ZNF480: variants seen among roughly 807,000 people sequenced by gnomAD.
ZNF480 encodes the protein zinc finger protein 480.
ZNF480 carries 15 observed loss-of-function variants against 14.4 expected under a neutral mutation model. The observed-to-expected ratio is 1.04, with a 90% confidence interval of 0.70 to 1.60. The LOEUF is 1.60. ZNF480 is among the 40% of genes most tolerant of loss of function. The pLI is 0.00. For synonymous variants in ZNF480, 218 were observed against 215.5 expected, an observed-to-expected ratio of 1.01 and a Z score of -0.10; for missense variants, 593 against 629.7, an observed-to-expected ratio of 0.94 and a Z score of 0.62.
At chr19:52,316,217 T>TTTCTTTCC (rs1457730992) in intron 4 of ZNF480, among the ~76,000 whole-genome samples, 3 of 151,340 alleles carry the variant, frequency 2.0e-5, no homozygotes, top group Non-Finnish European at 4.4e-5. Context: ...TCTTTCTTTC[T>TTTCTTTCC]TTCTTCCTTT....
rs564097793 is a variant in ZNF480, at chr19:52,302,257, G to A, written c.72+1773G>A. 7.5e-5 allele frequency: 12 copies of A among 159,234 alleles called. No individual in the cohort carries two copies. The South Asian group carries it at 2.4e-3, about 31-fold the overall frequency. The allele number at this position is 159,234 out of a possible 1,614,324, so 9.9% of individuals were successfully genotyped here. ...TTTGCCGCTGATTTCTGTAAATGCT[G>A]TTCAGCTGCTGATAGCATTTGGCCT... On this transcript the variant is annotated intron_variant, in intron 2 of 4. Transcript: ENST00000595962.
At chr19:52,311,045 ATT>A (rs1983259663) in intron 2 of ZNF480, among the ~76,000 whole-genome samples, 1 of 148,904 alleles carries the variant, frequency 6.7e-6, no homozygotes, top group Non-Finnish European at 1.5e-5. Flanking sequence ...CTGCTGAGAT[ATT>A]TTCTGTGACT....
At chr19:52,314,330 C>A in intron 3 of ZNF480, 51 bp downstream of exon 3, 1 of 1,440,554 alleles carries the variant, frequency 6.9e-7, no homozygotes, top group Non-Finnish European at 9.2e-7. Context: ...GTTATTTCAG[C>A]ATTTTCCCTT....
rs1483298325 is a variant in ZNF480 at position 52,325,667 on chromosome 19, C to G, written c.*2809C>G. 2.0e-5 allele frequency: 3 copies of G among 152,168 alleles called. No homozygotes were observed. The highest frequency in any genetic ancestry group is 7.2e-5 in the African/African-American group (3 of 41,462). The allele number at this position is 152,168 out of a possible 1,614,324, so 9.4% of individuals were successfully genotyped here. ...TATCCTAAGTGAATTAATGCAGGAA[C>G]AGAAAATGAAATATCCCATGTTCTC... On this transcript the variant is annotated 3_prime_UTR_variant, in exon 5 of 5. Transcript: ENST00000595962.
intron 4 of ZNF480, 85 bp from the exon 5 acceptor site, chr19:52,321,494 A>G (rs1983807455): frequency 2.6e-6 from 3 of 1,165,636 alleles, no homozygotes; most frequent in Non-Finnish European, 1.2e-6. Context: ...TCTGAGTCAG[A>G]TGAGGCAGAT....
At position 52,321,734 on chromosome 19, in the gene ZNF480, T is replaced by C. The variant is rs751977031; in HGVS notation, c.484T>C (p.Ser162Pro). 3 of 1,613,958 alleles carry C rather than the reference T, an allele frequency of 1.9e-6. No individual in the cohort carries two copies. Among genetic ancestry groups the C allele is most frequent in the Non-Finnish European group, 1.7e-6 (2 of 1,179,976 alleles). Residue 162 changes from serine to proline, a missense_variant, in exon 5 of 5, where the codon TCC (serine) becomes CCC (proline). Ser to Pro is a moderately conservative substitution (Grantham distance 74). Transcript: ENST00000595962. ...AGTTGAAAACTTTATCAACCACAGT[T>C]CCTCTGTTTCCTGTCTTCAAGAAAT... ...NQVENFINHS[S>P]SVSCLQEMSS... is the part of the protein sequence containing the mutation.
chr19:52,320,486 C>T (rs1983760070), intron 4 of ZNF480, among the ~76,000 whole-genome samples: 2 of 152,096 alleles, frequency 1.3e-5, no homozygotes, highest in Admixed American at 1.3e-4. Flanking sequence ...GCCCTTGTCT[C>T]TAAAAGAACA....
chr19:52,318,992 T>A (rs1006008297), intron 4 of ZNF480, among the ~76,000 whole-genome samples: 5 of 151,904 alleles, frequency 3.3e-5, no homozygotes, highest in African/African-American at 1.2e-4. Context: ...GCCTCCCGAG[T>A]AGCTGGGATT....
chr19:52,310,299 C>T (rs760906919), intron 2 of ZNF480, among the ~76,000 whole-genome samples: 52 of 152,042 alleles, frequency 3.4e-4, no homozygotes, highest in Admixed American at 1.3e-4. Flanking sequence ...TCAAGTGATC[C>T]GCCTGCGTTG....
chr19:52,313,250 C>T (rs1322091974), intron 2 of ZNF480, among the ~76,000 whole-genome samples: 5 of 151,394 alleles, frequency 3.3e-5, no homozygotes, highest in Admixed American at 3.3e-4. Context: ...GATTCTTCTG[C>T]CTCAGCCTCC....
Position 52,322,631 on chromosome 19 carries a change from G to C in ZNF480, c.1381G>C (p.Gly461Arg), listed in dbSNP as rs1983895506. The stretch of plus-strand genomic sequence containing the variant: ...GAAGCCTTACAAATGTAGTGAATGT[G>C]GCAAGGCATTCAGACACAAGTTATC... Reference protein sequence around the residue: ...GEKPYKCSECGKAFRHKLSLT... With the variant: ...GEKPYKCSECRKAFRHKLSLT... The change falls in exon 5 of 5, where the codon GGC (glycine) becomes CGC (arginine). Residue 461 changes from glycine (G) to arginine (R), a missense_variant. Gly to Arg is a moderately radical substitution (Grantham distance 125). Transcript: ENST00000595962. 8.1e-6 allele frequency: 13 copies of C among 1,613,996 alleles called. No individual in the cohort carries two copies. Among genetic ancestry groups the C allele is most frequent in the Non-Finnish European group, 1.1e-5 (13 of 1,179,964 alleles).
At chr19:52,320,283 T>C (rs1027265335) in intron 4 of ZNF480, among the ~76,000 whole-genome samples, 6 of 152,238 alleles carry the variant, frequency 3.9e-5, no homozygotes, top group African/African-American at 1.4e-4. Flanking sequence ...ATGTATTGTT[T>C]TTCTGATTTC....
chr19:52,303,445 A>G lies in ZNF480; in HGVS notation c.72+2961A>G, dbSNP rs1343105810. Reference sequence around the variant, plus strand: ...GAGGGACAATAATTTTTTCAGGGTCATATCCATGCAGTTTAACAATTCAAA... The same window carrying G: ...GAGGGACAATAATTTTTTCAGGGTCGTATCCATGCAGTTTAACAATTCAAA... On this transcript the variant is annotated intron_variant, in intron 2 of 4. Transcript: ENST00000595962. Among the ~76,000 whole-genome samples, 6 of 152,208 alleles carry G rather than the reference A, an allele frequency of 3.9e-5. No individual in the cohort carries two copies. In the East Asian group the frequency reaches 5.8e-4, roughly 15 times the overall value.
At chr19:52,319,179 T>A (rs1983691184) in intron 4 of ZNF480, among the ~76,000 whole-genome samples, 1 of 152,142 alleles carries the variant, frequency 6.6e-6, no homozygotes, top group Non-Finnish European at 1.5e-5. Context: ...TTTACTTTAA[T>A]GGAGAATTTT....
chr19:52,318,951 C>T (rs1337824066), intron 4 of ZNF480, among the ~76,000 whole-genome samples: 1 of 152,058 alleles, frequency 6.6e-6, no homozygotes, highest in Non-Finnish European at 1.5e-5. Flanking sequence ...GCAACCTCTG[C>T]CTCCTGGGTT....
intron 4 of ZNF480, among the ~76,000 whole-genome samples, chr19:52,317,040 C>T (rs976428589): frequency 6.6e-6 from 1 of 151,910 alleles, no homozygotes; most frequent in African/African-American, 2.4e-5. Context: ...TTTTTTGAGA[C>T]AGTGTCTCAC....
chr19:52,319,824 T>TTTTTTTTTTTTTTTTTTTG (rs1568635872), intron 4 of ZNF480, among the ~76,000 whole-genome samples: 1 of 139,154 alleles, frequency 7.2e-6, no homozygotes, highest in Non-Finnish European at 1.5e-5. Context: ...TTTTTTTTTT[T>TTTTTTTTTTTTTTTTTTTG]TTTTTTTTTT....
rs12973398 is a variant in ZNF480 at position 52,310,861 on chromosome 19, C to A, written c.73-3292C>A. Among the ~76,000 whole-genome samples, 15 of 150,808 alleles carry A rather than the reference C, an allele frequency of 9.9e-5. No individual in the cohort carries two copies. The South Asian group carries it at 2.7e-3, about 27-fold the overall frequency. ...TAAAAATACAAAAAAAAAAATTAGC[C>A]GGGCATGGTGGCGGGCACCTGTAGT... On this transcript the variant is annotated intron_variant, in intron 2 of 4. Coordinates refer to ENST00000595962, the MANE Select transcript of ZNF480 (RefSeq NM_144684.4).
intron 4 of ZNF480, among the ~76,000 whole-genome samples, chr19:52,319,965 A>T (rs1184931329): frequency 1.3e-5 from 2 of 151,666 alleles, no homozygotes; most frequent in African/African-American, 4.8e-5. Context: ...TTACAGGTGC[A>T]TGCCCCCATG....
Sources: allele counts gnomAD v4.1 joint callset (sites outside exome capture counted in the v4.1 genomes callset), GRCh38; gene constraint gnomAD v4.1.1; transcripts MANE v1.5; gene names NCBI Gene and HGNC (gene_info 2026-07-23, HGNC 2026-07-21).